Variants in PPP4C observed in about 807,000 individuals in gnomAD.
The protein encoded by PPP4C is protein phosphatase 4 catalytic subunit.
PPP4C carries 10 observed loss-of-function variants against 40.5 expected under a neutral mutation model. The observed-to-expected ratio is 0.25, with a 90% confidence interval of 0.15 to 0.42. The LOEUF (loss-of-function observed/expected upper bound fraction) is 0.42. Among genes scored for constraint, PPP4C ranks in the 10% least tolerant of loss-of-function variants. The probability of loss-of-function intolerance (pLI) is 1.00; values close to 1 mark genes in which losing one functional copy is unlikely to be tolerated. For missense variants in PPP4C, 191 were observed against 416.4 expected, an observed-to-expected ratio of 0.46 and a Z score of 4.71; for synonymous variants, 187 against 163.6, an observed-to-expected ratio of 1.14 and a Z score of -1.09.
chr16:30,083,466 T>C lies in PPP4C; in HGVS notation c.376T>C (p.Phe126Leu). 6.2e-7 allele frequency: 1 copy of C among 1,614,162 alleles called. No homozygotes were observed. The highest frequency in any genetic ancestry group is 8.5e-7 in the Non-Finnish European group (1 of 1,180,028). The change falls in exon 6 of 9, where the codon TTC becomes CTC. Residue 126 changes from phenylalanine (F) to leucine (L), a missense_variant. Phe to Leu is a conservative substitution (Grantham distance 22). Around this residue, in one of 3 missense-constraint regions of PPP4C, gnomAD observed 171 missense variants for 352.4 expected, o/e 0.49. Coordinates refer to ENST00000279387, the MANE Select transcript of PPP4C (RefSeq NM_002720.3). The surrounding 1 kb of genome is among the most constrained non-coding windows in gnomAD (Gnocchi z 6.3). ...ESRQITQVYG[F>L]YDECLRKYGS... Reference sequence around the variant, plus strand: ...TCGCCAGATCACGCAGGTCTATGGCTTCTACGATGAGTGCCTGCGCAAGTA... The same window carrying C: ...TCGCCAGATCACGCAGGTCTATGGCCTCTACGATGAGTGCCTGCGCAAGTA...
chr16:30,082,585 C>A, intron 4 of PPP4C, 51 bp downstream of exon 4: 2 of 1,593,014 alleles, frequency 1.3e-6, no homozygotes, highest in East Asian at 2.2e-5. Context: ...GACTGGAAGA[C>A]CCCTGTAATT....
intron 2 of PPP4C, 120 bp from the exon 3 acceptor site, chr16:30,081,139 T>G (rs563419265): frequency 2.8e-6 from 4 of 1,427,238 alleles, no homozygotes; most frequent in Non-Finnish European, 3.9e-6. Context: ...GACTGTACGC[T>G]TCACTCCTGC....
In PPP4C at chr16:30,085,100, C is replaced by G; in HGVS notation, c.*38C>G. 6.2e-7 allele frequency: 1 copy of G among 1,604,610 alleles called. No homozygotes were observed. The highest frequency in any genetic ancestry group is 1.1e-5 in the South Asian group (1 of 90,218). The stretch of plus-strand genomic sequence containing the variant: ...CCTGCCCCCTCCAACCCTTCTGGCC[C>G]TCGCACCACTGTGACTCTGCCATCT... On this transcript the variant is annotated 3_prime_UTR_variant, in exon 9 of 9. Coordinates refer to ENST00000279387, the MANE Select transcript of PPP4C (RefSeq NM_002720.3).
At position 30,083,386 on chromosome 16, in the gene PPP4C, A is replaced by C. The variant is rs1288239161; in HGVS notation, c.304-8A>C. On this transcript the variant is annotated splice_region_variant and splice_polypyrimidine_tract_variant and intron_variant, in intron 5 of 8. Coordinates refer to ENST00000279387, the MANE Select transcript of PPP4C (RefSeq NM_002720.3). This position sits in a 1 kb window ranked among gnomAD's most constrained non-coding sequence, Gnocchi z 6.3. ...AGGCGCCAGCCCTGGCTTGGTGGCC[A>C]CCCCCAGGTTCGCTATCCTGATCGC... 5 of 1,604,258 alleles carry C rather than the reference A, an allele frequency of 3.1e-6. 1 individual carries two copies. The South Asian group carries it at 3.3e-5, about 11-fold the overall frequency.
At position 30,081,146 on chromosome 16, in the gene PPP4C, C is replaced by T. The variant is rs979399302; in HGVS notation, c.99-113C>T. ...TTTGGGGAGACTGTACGCTTCACTC[C>T]TGCCCCCTGGAGCTTCCAGGACTGC... On this transcript the variant is annotated intron_variant, in intron 2 of 8. Coordinates refer to ENST00000279387, the MANE Select transcript of PPP4C (RefSeq NM_002720.3). The T allele has an allele frequency of 4.1e-6, 6 of 1,477,754 alleles. No individual in the cohort carries two copies. The African/African-American group carries it at 6.9e-5, about 17-fold the overall frequency. 91.5% of individuals were successfully genotyped at this position (1,477,754 alleles called of 1,614,324 possible). A position where few individuals can be genotyped will look rare whatever the true frequency, so the allele number is the denominator to read the frequency against.
rs1205769978 is a variant in PPP4C at position 30,083,277 on chromosome 16, C to T, written c.304-117C>T. 2.5e-6 allele frequency: 3 copies of T among 1,198,640 alleles called. No homozygotes were observed. Among genetic ancestry groups the T allele is most frequent in the Non-Finnish European group, 3.6e-6 (3 of 844,332 alleles). The allele number at this position is 1,198,640 out of a possible 1,614,324, so 74.3% of individuals were successfully genotyped here. A position where few individuals can be genotyped will look rare whatever the true frequency, so the allele number is the denominator to read the frequency against. ...GCCACACGATTCAGGCAAGAGGTGC[C>T]AGGAGTGTGCTGGGCAGTGGTTGTG... On this transcript the variant is annotated intron_variant, in intron 5 of 8. Transcript: ENST00000279387. This position sits in a 1 kb window ranked among gnomAD's most constrained non-coding sequence, Gnocchi z 6.3.
chr16:30,083,144 C>A lies in PPP4C; in HGVS notation c.304-250C>A. On this transcript the variant is annotated intron_variant, in intron 5 of 8. Transcript: ENST00000279387. The surrounding 1 kb of genome is among the most constrained non-coding windows in gnomAD (Gnocchi z 6.3). ...AGGGCCTGGGTGCCTTGCTAGGGACCCGGTCTGTGTCTGGTAGGTGAAAGA... is the reference window on the plus strand; with the variant it reads ...AGGGCCTGGGTGCCTTGCTAGGGACACGGTCTGTGTCTGGTAGGTGAAAGA... 1 of 596,038 alleles carries A rather than the reference C, an allele frequency of 1.7e-6. No individual in the cohort carries two copies. Among genetic ancestry groups the A allele is most frequent in the South Asian group, 2.1e-5 (1 of 48,442 alleles). The allele number at this position is 596,038 out of a possible 1,614,324, so 36.9% of individuals were successfully genotyped here.
chr16:30,082,445 C>G, intron 3 of PPP4C, 39 bp from the exon 4 acceptor site: 3 of 1,587,032 alleles, frequency 1.9e-6, no homozygotes, highest in Non-Finnish European at 2.6e-6. Flanking sequence ...TGGCAACTCC[C>G]ACTGCTTGAG....
At position 30,082,486 on chromosome 16, in the gene PPP4C, G is replaced by T. The variant is rs750817869; in HGVS notation, c.153G>T (p.Val51=). The change falls in exon 4 of 9, where the codon GTG becomes GTT. Residue 51 remains valine, a splice_region_variant and synonymous_variant. Coordinates refer to ENST00000279387, the MANE Select transcript of PPP4C (RefSeq NM_002720.3). The stretch of plus-strand genomic sequence containing the variant: ...ACCCCACTCTTCCTGTTCCCCAGGT[G>T]TGCGGCGACATCCATGGACAATTCT... ...NVQRVDSPVT[V]CGDIHGQFYD... 6.2e-7 allele frequency: 1 copy of T among 1,613,846 alleles called. No homozygotes were observed. Among genetic ancestry groups the T allele is most frequent in the Non-Finnish European group, 8.5e-7 (1 of 1,179,736 alleles).
Position 30,083,387 on chromosome 16 carries a change from C to T in PPP4C, c.304-7C>T. ...GGCGCCAGCCCTGGCTTGGTGGCCA[C>T]CCCCAGGTTCGCTATCCTGATCGCA... On this transcript the variant is annotated splice_region_variant and splice_polypyrimidine_tract_variant and intron_variant, in intron 5 of 8. Coordinates refer to ENST00000279387, the MANE Select transcript of PPP4C (RefSeq NM_002720.3). The surrounding 1 kb of genome is among the most constrained non-coding windows in gnomAD (Gnocchi z 6.3). 1.2e-6 allele frequency: 2 copies of T among 1,604,814 alleles called. No individual in the cohort carries two copies. The highest frequency in any genetic ancestry group is 1.7e-6 in the Non-Finnish European group (2 of 1,174,172).
chr16:30,082,421 T>G, intron 3 of PPP4C, 63 bp from the exon 4 acceptor site: 6 of 1,501,744 alleles, frequency 4.0e-6, no homozygotes, highest in South Asian at 1.1e-5. Flanking sequence ...AGCGGGTGTT[T>G]GGAGGGTAGT....
intron 4 of PPP4C, 22 bp downstream of exon 4, chr16:30,082,556 T>C: frequency 6.2e-7 from 1 of 1,607,174 alleles, no homozygotes; most frequent in Non-Finnish European, 8.5e-7. Context: ...GCCAACACTG[T>C]GAAATGTAAC....
In PPP4C at chr16:30,084,772, C is replaced by T. The variant is rs2072587628; in HGVS notation, c.711C>T (p.Ala237=). 1.9e-6 allele frequency: 3 copies of T among 1,614,118 alleles called. No individual in the cohort carries two copies. Among genetic ancestry groups the T allele is most frequent in the South Asian group, 1.1e-5 (1 of 91,092 alleles). Residue 237 remains alanine (A), a synonymous_variant, in exon 8 of 9, where the codon GCC becomes GCT. Transcript: ENST00000279387. ...AANDIDMICR[A]HQLVMEGYKW... is the part of the protein sequence containing the mutation. ...ATGACATTGACATGATCTGCCGTGC[C>T]CACCAACTGGTGATGGAAGGTTACA... is the stretch of plus-strand genomic sequence containing the variant.
chr16:30,076,034 G>A lies in PPP4C; in HGVS notation c.-124G>A. The A allele has an allele frequency of 2.5e-6, 1 of 397,086 alleles. No individual in the cohort carries two copies. The highest frequency in any genetic ancestry group is 2.2e-5 in the African/African-American group (1 of 46,264). 24.6% of individuals were successfully genotyped at this position (397,086 alleles called of 1,614,324 possible). A position where few individuals can be genotyped will look rare whatever the true frequency, so the allele number is the denominator to read the frequency against. The stretch of plus-strand genomic sequence containing the variant: ...GGCGGCGGCGGCGGCGGCGGCGGTC[G>A]AAAGCGGAGTGAAAGAGGGAGGCAG... On this transcript the variant is annotated 5_prime_UTR_variant, in exon 1 of 9. Transcript: ENST00000279387.
intron 3 of PPP4C, 62 bp downstream of exon 3, chr16:30,081,372 T>A: frequency 7.1e-7 from 1 of 1,417,780 alleles, no homozygotes; most frequent in South Asian, 1.1e-5. Context: ...AGTTTCCTCT[T>A]CATCTTGGGG....
At position 30,077,891 on chromosome 16, in the gene PPP4C, C is replaced by T. The variant is rs78056749; in HGVS notation, c.98+1416C>T. The stretch of plus-strand genomic sequence containing the variant: ...CCTCAGGCTCTTTGCCTGGCCCTGC[C>T]TCACATAGACTACCTGCAGCCAGAC... On this transcript the variant is annotated intron_variant, in intron 2 of 8. Transcript: ENST00000279387. Among the ~76,000 whole-genome samples the T allele has an allele frequency of 1.2e-3, 182 of 152,300 alleles. 2 individuals carry two copies. The East Asian group carries it at 0.033, about 28-fold the overall frequency.
Position 30,081,240 on chromosome 16 carries a change from G to C in PPP4C, c.99-19G>C. ...GGGCTGGCCTGGCTGTGGTGACCCT[G>C]GTCTTCTCCTGTCTCCAGAGAGATC... On this transcript the variant is annotated intron_variant, in intron 2 of 8. Coordinates refer to ENST00000279387, the MANE Select transcript of PPP4C (RefSeq NM_002720.3). 1.2e-6 allele frequency: 2 copies of C among 1,613,464 alleles called. No individual in the cohort carries two copies. The highest frequency in any genetic ancestry group is 1.7e-6 in the Non-Finnish European group (2 of 1,179,742).
chr16:30,076,537 C>A, intron 2 of PPP4C, 62 bp downstream of exon 2: 1 of 1,493,906 alleles, frequency 6.7e-7, no homozygotes, highest in South Asian at 1.2e-5. Context: ...TGGCCTGGGG[C>A]AAACCCAACT....
At chr16:30,084,633 A>G (rs757642534) in intron 7 of PPP4C, 33 bp from the exon 8 acceptor site, 3 of 1,586,788 alleles carry the variant, frequency 1.9e-6, no homozygotes, top group East Asian at 4.5e-5. Flanking sequence ...AAGCCTGAGG[A>G]CATCCCTCTC....
Sources: allele counts gnomAD v4.1 joint callset (sites outside exome capture counted in the v4.1 genomes callset), GRCh38; gene constraint gnomAD v4.1.1; regional missense constraint gnomAD v4.1.1; non-coding constraint Gnocchi (gnomAD v3.1); transcripts MANE v1.5; gene names NCBI Gene and HGNC (gene_info 2026-07-23, HGNC 2026-07-21).